The following LRIG1 variants were observed in gnomAD, a reference collection of about 807,000 sequenced individuals.
LRIG1 encodes leucine rich repeats and immunoglobulin like domains 1.
LRIG1 carries 48 observed loss-of-function variants against 99.2 expected under a neutral mutation model. The observed-to-expected ratio is 0.48, with a 90% CI of 0.38 to 0.62. The LOEUF is 0.62. LRIG1 is among the 20% of genes least tolerant of loss of function. The probability of loss-of-function intolerance (pLI) is 0.00; values close to 1 mark genes in which losing one functional copy is unlikely to be tolerated. For synonymous variants in LRIG1, 772 were observed against 596.1 expected, an observed-to-expected ratio of 1.29 and a Z score of -4.30; for missense variants, 1,646 against 1,434.4, an observed-to-expected ratio of 1.15 and a Z score of -2.38.
At chr3:66,385,495 C>A (rs1485625086) in intron 13 of LRIG1, among the ~76,000 whole-genome samples, 3 of 152,224 alleles carry the variant, frequency 2.0e-5, no homozygotes, top group Non-Finnish European at 4.4e-5. Context: ...CTTTGACACC[C>A]AGGCTGGAAT....
intron 3 of LRIG1, among the ~76,000 whole-genome samples, chr3:66,448,593 G>T (rs554406601): frequency 5.1e-4 from 78 of 152,226 alleles, no homozygotes; most frequent in African/African-American, 1.6e-3. Flanking sequence ...AAAAAGTAAC[G>T]TATGTATCCC....
At chr3:66,481,440 G>C (rs1451154941) in intron 1 of LRIG1, among the ~76,000 whole-genome samples, 2 of 152,068 alleles carry the variant, frequency 1.3e-5, no homozygotes, top group Non-Finnish European at 1.5e-5. Context: ...ATTTAATAAA[G>C]CCGACATTGT....
At position 66,417,260 on chromosome 3, in the gene LRIG1, G is replaced by A. The variant is rs762227801; in HGVS notation, c.372C>T (p.His124=). The change falls in exon 4 of 19, where the codon CAC becomes CAT. Residue 124 remains histidine, a synonymous_variant. Coordinates refer to ENST00000273261, the MANE Select transcript of LRIG1 (RefSeq NM_015541.3). ...SSHVVSLFLQ[H]NKIRSVEGSQ... is the part of the protein sequence containing the mutation. ...TCCCCTCCACGCTGCGAATCTTGTT[G>A]TGCTGCCTGAAACACAACAAGGGAG... The A allele has an allele frequency of 1.2e-6, 2 of 1,613,756 alleles. No homozygotes were observed. The highest frequency in any genetic ancestry group is 2.2e-5 in the East Asian group (1 of 44,854).
At chr3:66,418,879 G>C (rs1702709152) in intron 3 of LRIG1, among the ~76,000 whole-genome samples, 1 of 151,906 alleles carries the variant, frequency 6.6e-6, no homozygotes, top group African/African-American at 2.4e-5. Flanking sequence ...TCTGCACACA[G>C]AACCTCCCCG....
intron 3 of LRIG1, among the ~76,000 whole-genome samples, chr3:66,423,490 GA>G (rs1452001247): frequency 1.3e-5 from 2 of 152,194 alleles, no homozygotes; most frequent in Non-Finnish European, 2.9e-5. Flanking sequence ...AGAATTGCTT[GA>G]ACCTGGGAGG....
chr3:66,416,773 T>C (rs1482526188), intron 4 of LRIG1, among the ~76,000 whole-genome samples: 1 of 152,204 alleles, frequency 6.6e-6, no homozygotes, highest in East Asian at 1.9e-4. Flanking sequence ...CTGAATCTCC[T>C]CTGGAAGCAT....
At chr3:66,498,633 C>T (rs888112556) in intron 1 of LRIG1, among the ~76,000 whole-genome samples, 2 of 151,808 alleles carry the variant, frequency 1.3e-5, no homozygotes. Flanking sequence ...TAAGAGACTA[C>T]CTAAGGACAA....
Position 66,500,441 on chromosome 3 carries a change from G to A in LRIG1, c.-34C>T, listed in dbSNP as rs1701333311. On this transcript the variant is annotated 5_prime_UTR_variant, in exon 1 of 19. Coordinates refer to ENST00000273261, the MANE Select transcript of LRIG1 (RefSeq NM_015541.3). ...GAGCGCGCTGCGAACTCCGGGCGCG[G>A]GGACTGTGAGGACCCGAACGGCCGC... The A allele has an allele frequency of 1.5e-6, 2 of 1,291,940 alleles. No homozygotes were observed. Among genetic ancestry groups the A allele is most frequent in the Non-Finnish European group, 2.0e-6 (2 of 1,006,556 alleles). The allele number at this position is 1,291,940 out of a possible 1,614,324, so 80.0% of individuals were successfully genotyped here.
At chr3:66,395,557 G>A (rs1009425559) in intron 11 of LRIG1, among the ~76,000 whole-genome samples, 1 of 152,100 alleles carries the variant, frequency 6.6e-6, no homozygotes, top group Non-Finnish European at 1.5e-5. Context: ...TTATCTCAAG[G>A]CCATTATAAC....
chr3:66,383,862 A>G, intron 14 of LRIG1, 129 bp downstream of exon 14: 2 of 1,334,142 alleles, frequency 1.5e-6, no homozygotes, highest in Non-Finnish European at 2.0e-6. Flanking sequence ...CTCAAAAAGC[A>G]GCCCCAAATT....
chr3:66,385,771 C>G (rs1248444851), intron 13 of LRIG1, among the ~76,000 whole-genome samples: 1 of 152,214 alleles, frequency 6.6e-6, no homozygotes, highest in Non-Finnish European at 1.5e-5. Flanking sequence ...ATTTTTAAAA[C>G]TCACCAAAAA....
In LRIG1 at chr3:66,454,965, G is replaced by A. The variant is rs141183759; in HGVS notation, c.291-3332C>T. 3.1e-3 allele frequency among the ~76,000 whole-genome samples: 470 copies of A among 152,224 alleles called. 3 individuals are homozygous for A. The highest frequency in any genetic ancestry group is 0.01 in the African/African-American group (435 of 41,534). ...ATTGTGCTTGTCTTTTTTCTGAGACGGAGTCTCGCTCTGTGGTGGCCCAGG... is the reference window on the plus strand; with the variant it reads ...ATTGTGCTTGTCTTTTTTCTGAGACAGAGTCTCGCTCTGTGGTGGCCCAGG... On this transcript the variant is annotated intron_variant, in intron 2 of 18. Transcript: ENST00000273261.
intron 1 of LRIG1, among the ~76,000 whole-genome samples, chr3:66,480,865 G>C (rs1249607209): frequency 6.6e-6 from 1 of 152,208 alleles, no homozygotes; most frequent in Non-Finnish European, 1.5e-5. Flanking sequence ...AGGAGGAAAT[G>C]TCACCACAAT....
chr3:66,380,997 T>TC (rs1701022588), intron 17 of LRIG1, 136 bp from the exon 18 acceptor site: 1 of 811,838 alleles, frequency 1.2e-6, no homozygotes, highest in Admixed American at 2.7e-5. Context: ...CTTCCTCTTT[T>TC]CCCCAACTAT....
intron 3 of LRIG1, among the ~76,000 whole-genome samples, chr3:66,447,227 A>G (rs949809816): frequency 6.6e-6 from 1 of 152,136 alleles, no homozygotes. Context: ...AAACAATCCA[A>G]TTACACTCTT....
At chr3:66,407,987 T>G (rs1218002096) in intron 7 of LRIG1, among the ~76,000 whole-genome samples, 1 of 152,194 alleles carries the variant, frequency 6.6e-6, no homozygotes, top group Non-Finnish European at 1.5e-5. Flanking sequence ...CTGTGCCTCA[T>G]GCCTTAGTGG....
At chr3:66,462,286 A>G in intron 2 of LRIG1, 152 bp downstream of exon 2, 1 of 644,986 alleles carries the variant, frequency 1.6e-6, no homozygotes, top group Non-Finnish European at 2.8e-6. Flanking sequence ...GATAAGCAGG[A>G]GTAGAATTCA....
chr3:66,448,609 A>G (rs762965246), intron 3 of LRIG1, among the ~76,000 whole-genome samples: 1 of 152,212 alleles, frequency 6.6e-6, no homozygotes, highest in Non-Finnish European at 1.5e-5. Flanking sequence ...ATCCCAGGTC[A>G]CAACTACATT....
intron 3 of LRIG1, among the ~76,000 whole-genome samples, chr3:66,434,558 C>T (rs1703282014): frequency 6.6e-6 from 1 of 151,934 alleles, no homozygotes; most frequent in Non-Finnish European, 1.5e-5. Context: ...ACCAGCCTGA[C>T]CAACATGGCG....
Sources: allele counts gnomAD v4.1 joint callset (sites outside exome capture counted in the v4.1 genomes callset), GRCh38; gene constraint gnomAD v4.1.1; transcripts MANE v1.5; gene names NCBI Gene and HGNC (gene_info 2026-07-23, HGNC 2026-07-21).